FAM234A: variants seen among roughly 807,000 people sequenced by gnomAD.
FAM234A encodes protein FAM234A.
A neutral mutation model predicts 49.1 loss-of-function variants in FAM234A; 42 were observed. The ratio of observed to expected loss-of-function variants is 0.86; its 90% CI spans 0.67 to 1.11. FAM234A has a LOEUF of 1.11. Among genes scored for constraint, FAM234A ranks in the 50% least tolerant of loss-of-function variants. The probability of loss-of-function intolerance (pLI) is 0.00; values close to 1 mark genes in which losing one functional copy is unlikely to be tolerated. For synonymous variants in FAM234A, 369 were observed against 316.2 expected, an observed-to-expected ratio of 1.17 and a Z score of -1.77; for missense variants, 815 against 745.2, an observed-to-expected ratio of 1.09 and a Z score of -1.09.
At chr16:262,393 G>T in intron 7 of FAM234A, 31 bp from the exon 8 acceptor site, 1 of 1,570,170 alleles carries the variant, frequency 6.4e-7, no homozygotes, top group Non-Finnish European at 8.7e-7. Context: ...CGTGACCCTG[G>T]TGACCTCGGG....
In FAM234A at chr16:263,712, C is replaced by T. The variant is rs760591238; in HGVS notation, c.1125C>T (p.Phe375=). 9.9e-6 allele frequency: 16 copies of T among 1,613,728 alleles called. No individual in the cohort carries two copies. The highest frequency in any genetic ancestry group is 1.6e-4 in the Middle Eastern group (1 of 6,082). The change falls in exon 10 of 13, where the codon TTC becomes TTT. Residue 375 remains phenylalanine, a synonymous_variant. Transcript: ENST00000399932. ...CATATTGTTCCAGAAAACCCATCTT[C>T]GGCCGCTACAAACCAGACACCTTGG... ...KAAHVLRKPI[F]GRYKPDTLAV...
intron 1 of FAM234A, among the ~76,000 whole-genome samples, chr16:237,711 TTC>T (rs1320650481): frequency 2.1e-5 from 3 of 143,598 alleles, no homozygotes; most frequent in Admixed American, 7.1e-5. Context: ...GTTAATGAAA[TTC>T]TTTTTTTTTT....
intron 1 of FAM234A, among the ~76,000 whole-genome samples, chr16:241,322 C>T (rs2050605056): frequency 6.6e-6 from 1 of 151,670 alleles, no homozygotes; most frequent in African/African-American, 2.4e-5. Context: ...TGGTTCACAC[C>T]TGTCATTCTA....
Position 263,358 on chromosome 16 carries a change from G to A in FAM234A, c.1068G>A (p.Gln356=). The change falls in exon 9 of 13, where the codon CAG becomes CAA. Residue 356 remains glutamine (Q), a synonymous_variant. Transcript: ENST00000399932. ...AGGCCTTCGTGCTGCTGGACGGGCA[G>A]GAGCTGACGCCTCGCTGGACACCCA... ...GSEAFVLLDG[Q]ELTPRWTPKA... is the part of the protein sequence containing the mutation. 6.2e-7 allele frequency: 1 copy of A among 1,612,574 alleles called. No individual in the cohort carries two copies. Among genetic ancestry groups the A allele is most frequent in the East Asian group, 2.2e-5 (1 of 44,886 alleles).
Position 259,536 on chromosome 16 carries a change from G to T in FAM234A, c.322G>T (p.Val108Phe). The T allele has an allele frequency of 6.2e-7, 1 of 1,613,222 alleles. No homozygotes were observed. The highest frequency in any genetic ancestry group is 1.7e-5 in the Admixed American group (1 of 60,002). ...DDINGDRIQDVLFLYKNTNSS... is the reference protein window; with the variant it reads ...DDINGDRIQDFLFLYKNTNSS... ...TATAAACGGGGACAGGATCCAAGAT[G>T]TTCTTTTTCTTTATAAAAACACCAA... Residue 108 changes from valine to phenylalanine, a missense_variant, in exon 4 of 13, where the codon GTT becomes TTT. By Grantham distance (50) the Val-to-Phe change is conservative (BLOSUM62 -1). Coordinates refer to ENST00000399932, the MANE Select transcript of FAM234A (RefSeq NM_032039.4).
intron 1 of FAM234A, among the ~76,000 whole-genome samples, chr16:238,552 G>C (rs922878467): frequency 6.6e-6 from 1 of 151,924 alleles, no homozygotes; most frequent in Non-Finnish European, 1.5e-5. Flanking sequence ...AGATCATGAG[G>C]TCAGGAGATC....
chr16:262,289 C>T, intron 7 of FAM234A, 64 bp downstream of exon 7: 1 of 1,594,314 alleles, frequency 6.3e-7, no homozygotes, highest in Non-Finnish European at 8.6e-7. Flanking sequence ...CCTGCGGCTC[C>T]TCAGGTCCTG....
At chr16:241,900 C>A (rs866899102) in intron 1 of FAM234A, among the ~76,000 whole-genome samples, 2 of 129,626 alleles carry the variant, frequency 1.5e-5, no homozygotes, top group Admixed American at 8.3e-5. Context: ...AGCGAGACAA[C>A]GTCTCAAAAA....
downstream of FAM234A, chr16:269,177 G>GC (rs943034819): frequency 9.5e-7 from 1 of 1,052,826 alleles, no homozygotes; most frequent in African/African-American, 1.6e-5. Flanking sequence ...GGGTTCAGCA[G>GC]CCCCCAGGAC....
chr16:254,111 G>A (rs1277450092), intron 2 of FAM234A: 7 of 395,134 alleles, frequency 1.8e-5, no homozygotes, highest in Admixed American at 8.7e-5. Context: ...CGGCAGGCAG[G>A]AAGCACCAGC....
Position 263,307 on chromosome 16 carries a change from T to C in FAM234A, c.1017T>C (p.Gly339=). The change falls in exon 9 of 13, where the codon GGT becomes GGC. Residue 339 remains glycine, a synonymous_variant. Coordinates refer to ENST00000399932, the MANE Select transcript of FAM234A (RefSeq NM_032039.4). ...RYLMHVPGNA[G]ADVLLVGSEA... is the part of the protein sequence containing the mutation. The stretch of plus-strand genomic sequence containing the variant: ...TGATGCATGTCCCAGGGAACGCCGG[T>C]GCAGATGTGCTTCTTGTGGGCTCAG... 6.2e-7 allele frequency: 1 copy of C among 1,613,268 alleles called. No homozygotes were observed. Among genetic ancestry groups the C allele is most frequent in the Non-Finnish European group, 8.5e-7 (1 of 1,180,010 alleles).
chr16:268,005 GCACA>G (rs1388188616), downstream of FAM234A, among the ~76,000 whole-genome samples: 6 of 77,014 alleles, frequency 7.8e-5, no homozygotes, highest in Non-Finnish European at 1.2e-4. Flanking sequence ...TCATACACAC[GCACA>G]CACACCACAT....
intron 1 of FAM234A, among the ~76,000 whole-genome samples, chr16:246,726 GT>G (rs567089337): frequency 0.05 from 6,871 of 137,950 alleles, 203 homozygotes; most frequent in Middle Eastern, 0.098. Context: ...GCCAGCTGGT[GT>G]TTTTTTTTTT....
chr16:257,234 G>GTCTT (rs2051269739), intron 3 of FAM234A, among the ~76,000 whole-genome samples: 1 of 131,896 alleles, frequency 7.6e-6, no homozygotes, highest in Non-Finnish European at 1.6e-5. Context: ...TTTCAATGAA[G>GTCTT]TCTTTTTTTT....
chr16:237,644 C>G (rs1194094450), intron 1 of FAM234A, among the ~76,000 whole-genome samples: 1 of 151,826 alleles, frequency 6.6e-6, no homozygotes, highest in Non-Finnish European at 1.5e-5. Flanking sequence ...TGGTAATTAT[C>G]TTCCCTTAGA....
downstream of FAM234A, chr16:266,100 C>G (rs571653403): frequency 1.0e-6 from 1 of 985,380 alleles, no homozygotes; most frequent in Admixed American, 6.1e-5. Flanking sequence ...TGAAAAACCC[C>G]GGTGGTCAGG....
At chr16:243,149 T>C (rs554751998) in intron 1 of FAM234A, among the ~76,000 whole-genome samples, 23 of 152,090 alleles carry the variant, frequency 1.5e-4, no homozygotes, top group African/African-American at 5.3e-4. Context: ...CCTAATTTTA[T>C]TTTACTTTTT....
In FAM234A at chr16:264,189, G is replaced by A. The variant is rs537717641; in HGVS notation, c.1344+18G>A. On this transcript the variant is annotated intron_variant, in intron 11 of 12. Transcript: ENST00000399932. ...GCGAGACGGTACGGGAGCCACCCTC[G>A]GAGCAGCCATGCTGGGAGCCGGGGC... 2.0e-4 allele frequency: 316 copies of A among 1,583,462 alleles called. 2 individuals are homozygous for A. In the South Asian group the frequency reaches 3.0e-3, roughly 15 times the overall value.
chr16:260,637 G>A (rs1466311527), intron 5 of FAM234A: 1 of 472,860 alleles, frequency 2.1e-6, no homozygotes, highest in Admixed American at 2.3e-5. Flanking sequence ...GGGAAAGAAT[G>A]CGTGGTGCAC....
Sources: allele counts gnomAD v4.1 joint callset (sites outside exome capture counted in the v4.1 genomes callset), GRCh38; gene constraint gnomAD v4.1.1; transcripts MANE v1.5; gene names NCBI Gene and HGNC (gene_info 2026-07-23, HGNC 2026-07-21).